The following MAGI2 variants were observed in gnomAD, a reference collection of about 807,000 sequenced individuals.
The protein encoded by MAGI2 is membrane-associated guanylate kinase, WW and PDZ domain-containing protein 2.
Under a neutral mutation model 133.3 loss-of-function variants are expected in MAGI2, and 35 were observed. The ratio of observed to expected loss-of-function variants is 0.26; its 90% CI spans 0.20 to 0.35. The LOEUF (loss-of-function observed/expected upper bound fraction) is 0.35, where lower values mean the gene tolerates loss of function less well. MAGI2 is among the 10% of genes least tolerant of loss of function. MAGI2 has a pLI of 1.00. For synonymous variants in MAGI2, 729 were observed against 710.6 expected (o/e 1.03, Z -0.41); for missense variants, 1,636 against 1,863.4 (o/e 0.88, Z 2.25).
intron 10 of MAGI2, among the ~76,000 whole-genome samples, chr7:78,216,514 C>T (rs745787366): frequency 3.4e-4 from 52 of 152,204 alleles, no homozygotes; most frequent in Non-Finnish European, 6.6e-4. Flanking sequence ...AGCCTCACCT[C>T]GCTCTGGTGC....
At chr7:79,090,476 G>T (rs1210536403) in intron 1 of MAGI2, among the ~76,000 whole-genome samples, 1 of 152,038 alleles carries the variant, frequency 6.6e-6, no homozygotes, top group Non-Finnish European at 1.5e-5. Context: ...ATAATTTCTT[G>T]ACTGATGAAA....
chr7:79,231,500 G>T (rs991396597), intron 1 of MAGI2, among the ~76,000 whole-genome samples: 1 of 78,866 alleles, frequency 1.3e-5, no homozygotes, highest in African/African-American at 3.6e-5. Context: ...CCTTGAAGAG[G>T]TCCTTCACAT....
intron 3 of MAGI2, among the ~76,000 whole-genome samples, chr7:78,569,147 C>CACAT (rs149722220): frequency 0.087 from 13,161 of 150,530 alleles, 757 homozygotes; most frequent in Non-Finnish European, 0.13. Flanking sequence ...CACACACACA[C>CACAT]GTCACTATTC....
intron 3 of MAGI2, among the ~76,000 whole-genome samples, chr7:78,543,682 T>G (rs549431422): frequency 2.0e-5 from 3 of 152,308 alleles, no homozygotes; most frequent in South Asian, 4.1e-4. Flanking sequence ...ACTATGACAA[T>G]GATGAGAACT....
intron 1 of MAGI2, among the ~76,000 whole-genome samples, chr7:79,350,551 T>A (rs1009201179): frequency 6.6e-6 from 1 of 152,112 alleles, no homozygotes; most frequent in Non-Finnish European, 1.5e-5. Flanking sequence ...TTCCACCTTA[T>A]AGTTCTGTTT....
chr7:79,018,483 C>T (rs530362302), intron 1 of MAGI2, among the ~76,000 whole-genome samples: 4 of 152,288 alleles, frequency 2.6e-5, no homozygotes, highest in African/African-American at 9.6e-5. Context: ...AAAGCAACCA[C>T]ACAAACATGT....
intron 2 of MAGI2, among the ~76,000 whole-genome samples, chr7:78,929,497 C>T (rs1036703123): frequency 6.6e-6 from 1 of 151,990 alleles, no homozygotes; most frequent in African/African-American, 2.4e-5. Context: ...CAAACGTCAG[C>T]AGGAGTGGTT....
chr7:78,621,699 G>T (rs1353730193), intron 3 of MAGI2, among the ~76,000 whole-genome samples: 1 of 151,976 alleles, frequency 6.6e-6, no homozygotes, highest in Non-Finnish European at 1.5e-5. Context: ...GCCCTTCCTT[G>T]CAGGCTCCAG....
At chr7:78,733,161 T>C (rs933140938) in intron 2 of MAGI2, among the ~76,000 whole-genome samples, 1 of 152,192 alleles carries the variant, frequency 6.6e-6, no homozygotes, top group African/African-American at 2.4e-5. Context: ...GCAATCCACA[T>C]AGCAAAATCT....
chr7:78,606,154 G>A (rs1478548045), intron 3 of MAGI2, among the ~76,000 whole-genome samples: 1 of 151,694 alleles, frequency 6.6e-6, no homozygotes, highest in Non-Finnish European at 1.5e-5. Context: ...CTGAGCTTGG[G>A]TGTACAGGAG....
chr7:78,762,307 G>C (rs751540368), intron 2 of MAGI2, among the ~76,000 whole-genome samples: 1 of 151,954 alleles, frequency 6.6e-6, no homozygotes, highest in Non-Finnish European at 1.5e-5. Flanking sequence ...GCCGGGCGTG[G>C]TGGTGCACAC....
Position 78,719,365 on chromosome 7 carries a change from A to C in MAGI2, c.419-92126T>G, listed in dbSNP as rs1022649018. On this transcript the variant is annotated intron_variant, in intron 2 of 21. Coordinates refer to ENST00000354212, the MANE Select transcript of MAGI2 (RefSeq NM_012301.4). ...AGCTTCCCTTAAGGTTGAAGGAAAA[A>C]AAATAAAGAAAAAAAATCCAACTGT... Among the ~76,000 whole-genome samples the C allele has an allele frequency of 1.9e-4, 28 of 150,726 alleles. 1 individual carries two copies. The highest frequency in any genetic ancestry group is 6.9e-4 in the African/African-American group (28 of 40,576).
chr7:78,964,372 C>T (rs887951101), intron 2 of MAGI2, among the ~76,000 whole-genome samples: 2 of 151,948 alleles, frequency 1.3e-5, no homozygotes, highest in Non-Finnish European at 2.9e-5. Flanking sequence ...TGTATTACTA[C>T]ATCATCTCAT....
intron 1 of MAGI2, chr7:79,413,682 C>T (rs1219559706): frequency 1.3e-5 from 2 of 150,004 alleles, no homozygotes; most frequent in Non-Finnish European, 2.9e-5. Context: ...TTCATCCTCT[C>T]TCAAAGTGGT....
intron 6 of MAGI2, among the ~76,000 whole-genome samples, chr7:78,457,896 A>G (rs947247597): frequency 1.3e-5 from 2 of 152,212 alleles, no homozygotes; most frequent in Admixed American, 1.3e-4. Flanking sequence ...AGATTTTTGC[A>G]CAAGTATATT....
intron 1 of MAGI2, among the ~76,000 whole-genome samples, chr7:79,226,583 G>T (rs561195804): frequency 6.6e-6 from 1 of 152,228 alleles, no homozygotes; most frequent in South Asian, 2.1e-4. Context: ...TGAGCTATCT[G>T]CTCACTGGGT....
At chr7:78,969,187 T>C (rs1371430896) in intron 2 of MAGI2, among the ~76,000 whole-genome samples, 1 of 152,048 alleles carries the variant, frequency 6.6e-6, no homozygotes, top group Non-Finnish European at 1.5e-5. Flanking sequence ...TGGTAGTAGC[T>C]GTATTTGCAC....
At chr7:78,720,993 C>T (rs111894386) in intron 2 of MAGI2, among the ~76,000 whole-genome samples, 11 of 152,144 alleles carry the variant, frequency 7.2e-5, no homozygotes, top group African/African-American at 2.4e-4. Flanking sequence ...AATGGAGATA[C>T]AGGGGGCCTA....
Position 78,837,571 on chromosome 7 carries a change from C to A in MAGI2, c.418+169519G>T, listed in dbSNP as rs142832118. ...GTAATTAATTTCTTTTAAAAAGGAA[C>A]TAACCAGTATATAGCATATGTAATA... On this transcript the variant is annotated intron_variant, in intron 2 of 21. Coordinates refer to ENST00000354212, the MANE Select transcript of MAGI2 (RefSeq NM_012301.4). Among the ~76,000 whole-genome samples the A allele has an allele frequency of 2.1e-3, 323 of 152,200 alleles. 1 individual carries two copies. The highest frequency in any genetic ancestry group is 3.3e-3 in the Non-Finnish European group (227 of 67,978).
Sources: gnomAD v4.1 joint callset for allele counts (sites outside exome capture counted in the v4.1 genomes callset) on GRCh38, gnomAD v4.1.1 for gene constraint, MANE v1.5 for transcripts, NCBI Gene and HGNC (gene_info 2026-07-23, HGNC 2026-07-21) for gene names.